Variants in DOK6 observed in about 807,000 individuals in gnomAD.
The protein encoded by DOK6 is downstream of tyrosine kinase 6.
Under a neutral mutation model 44.0 loss-of-function variants are expected in DOK6, and 22 were observed. The observed-to-expected ratio is 0.50, with a 90% CI of 0.36 to 0.71. DOK6 has a LOEUF of 0.71. Among genes scored for constraint, DOK6 ranks in the 30% least tolerant of loss-of-function variants. DOK6 has a pLI of 0.00. For missense variants in DOK6, 340 were observed against 416.4 expected (o/e 0.82, Z 1.60); for synonymous variants, 166 against 145.5 (o/e 1.14, Z -1.01).
intron 1 of DOK6, among the ~76,000 whole-genome samples, chr18:69,498,622 C>T (rs1333459226): frequency 2.0e-5 from 3 of 152,066 alleles, no homozygotes; most frequent in African/African-American, 7.2e-5. Context: ...GTATAAGTTA[C>T]CCCACAATTA....
At chr18:69,757,135 C>T (rs949602425) in intron 6 of DOK6, among the ~76,000 whole-genome samples, 2 of 152,150 alleles carry the variant, frequency 1.3e-5, no homozygotes, top group Non-Finnish European at 1.5e-5. Flanking sequence ...ACAAACATGC[C>T]ACAGTTTTAT....
At chr18:69,509,755 A>G (rs1311277700) in intron 1 of DOK6, among the ~76,000 whole-genome samples, 2 of 151,696 alleles carry the variant, frequency 1.3e-5, no homozygotes, top group African/African-American at 4.9e-5. Context: ...TTCACTTAAT[A>G]TTTAAGCTGC....
chr18:69,414,698 G>A (rs1042897469), intron 1 of DOK6, among the ~76,000 whole-genome samples: 1 of 152,014 alleles, frequency 6.6e-6, no homozygotes, highest in Non-Finnish European at 1.5e-5. Context: ...TATGAAATGA[G>A]ATGGTAATTT....
chr18:69,705,258 T>A (rs1236245573), intron 5 of DOK6: 2 of 152,244 alleles, frequency 1.3e-5, no homozygotes, highest in African/African-American at 4.8e-5. Context: ...AAATATTTTT[T>A]ATTTACAGCC....
chr18:69,486,670 A>G (rs944365835), intron 1 of DOK6, among the ~76,000 whole-genome samples: 1 of 152,168 alleles, frequency 6.6e-6, no homozygotes, highest in Admixed American at 6.5e-5. Flanking sequence ...TTACACAGAG[A>G]AGTCTGGAAA....
At chr18:69,738,815 G>C in intron 5 of DOK6, 150 bp from the exon 6 acceptor site, 1 of 809,820 alleles carries the variant, frequency 1.2e-6, no homozygotes, top group Non-Finnish European at 1.9e-6. Context: ...TGCACTTTTT[G>C]GTTGGTTTGG....
intron 7 of DOK6, among the ~76,000 whole-genome samples, chr18:69,769,695 C>G (rs66559245): frequency 0.094 from 14,337 of 152,070 alleles, 719 homozygotes; most frequent in Middle Eastern, 0.14. Context: ...AGAGGCATGT[C>G]TAATAAACTG....
At chr18:69,568,973 A>G (rs1012711133) in intron 2 of DOK6, among the ~76,000 whole-genome samples, 17 of 151,956 alleles carry the variant, frequency 1.1e-4, no homozygotes, top group Non-Finnish European at 1.9e-4. Flanking sequence ...ATTATGTACT[A>G]CAATGTAATA....
intron 2 of DOK6, among the ~76,000 whole-genome samples, chr18:69,586,514 G>A (rs1310239136): frequency 1.3e-5 from 2 of 152,200 alleles, no homozygotes; most frequent in African/African-American, 2.4e-5. Flanking sequence ...ACAAAGAACA[G>A]AGCAAGCCAT....
chr18:69,736,441 C>T (rs976502645), intron 5 of DOK6, among the ~76,000 whole-genome samples: 1 of 152,126 alleles, frequency 6.6e-6, no homozygotes, highest in Non-Finnish European at 1.5e-5. Flanking sequence ...TATTATCCAA[C>T]ATCCTATTTT....
chr18:69,519,280 G>A lies in DOK6; in HGVS notation c.67-45207G>A, dbSNP rs547450223. Among the ~76,000 whole-genome samples the A allele has an allele frequency of 5.3e-5, 8 of 151,866 alleles. 1 individual carries two copies. The South Asian group carries it at 1.7e-3, about 32-fold the overall frequency. ...GTATATTGATGCAGACTTTTGGAGG[G>A]TAATTTAGTAATTTATAGTGAAGAA... is the stretch of plus-strand genomic sequence containing the variant. On this transcript the variant is annotated intron_variant, in intron 1 of 7. Transcript: ENST00000382713.
At chr18:69,588,119 G>A (rs1375465975) in intron 2 of DOK6, among the ~76,000 whole-genome samples, 4 of 152,050 alleles carry the variant, frequency 2.6e-5, no homozygotes, top group African/African-American at 9.7e-5. Context: ...TAAGAAATTT[G>A]GCCCTTATTC....
chr18:69,425,154 G>A (rs1978602199), intron 1 of DOK6, among the ~76,000 whole-genome samples: 1 of 152,158 alleles, frequency 6.6e-6, no homozygotes, highest in Admixed American at 6.5e-5. Flanking sequence ...CAAAAATAGA[G>A]AAGAATTTTG....
At chr18:69,800,152 A>G (rs1351256287) in intron 7 of DOK6, among the ~76,000 whole-genome samples, 1 of 152,016 alleles carries the variant, frequency 6.6e-6, no homozygotes, top group African/African-American at 2.4e-5. Context: ...ATTGCATTGA[A>G]ACAGTAAATG....
Position 69,434,954 on chromosome 18 carries a change from GGGAA to G in DOK6, c.66+33669_66+33672del, listed in dbSNP as rs1167985373. Among the ~76,000 whole-genome samples, 196 of 62,966 alleles carry G rather than the reference GGGAA, an allele frequency of 3.1e-3. 3 individuals are homozygous for G. The highest frequency in any genetic ancestry group is 0.025 in the East Asian group (53 of 2,104). The allele number at this position is 62,966 out of a possible 152,430, so 41.3% of individuals were successfully genotyped here. A position where few individuals can be genotyped will look rare whatever the true frequency, so the allele number is the denominator to read the frequency against. On this transcript the variant is annotated intron_variant, in intron 1 of 7. Transcript: ENST00000382713. ...AGGGAGGGAGGGAGGGAGGGAGGGA[GGGAA>G]GGAAGGAAGGAAGGAAGGAAGGAAA... is the stretch of plus-strand genomic sequence containing the variant.
chr18:69,827,169 T>G lies in DOK6; in HGVS notation c.857-14075T>G, dbSNP rs1411080878. Among the ~76,000 whole-genome samples, 4 of 152,108 alleles carry G rather than the reference T, an allele frequency of 2.6e-5. No individual in the cohort carries two copies. In the East Asian group the frequency reaches 7.7e-4, roughly 29 times the overall value. ...GATCCAATCACTCACTTTCTTAAAA[T>G]CATTCAAAGCTTCCTATCACCTATT... is the stretch of plus-strand genomic sequence containing the variant. On this transcript the variant is annotated intron_variant, in intron 7 of 7. Transcript: ENST00000382713.
At chr18:69,409,242 G>C (rs1332339501) in intron 1 of DOK6, among the ~76,000 whole-genome samples, 2 of 152,194 alleles carry the variant, frequency 1.3e-5, no homozygotes, top group Non-Finnish European at 2.9e-5. Context: ...GCAGAACTGT[G>C]AGTCAATTAA....
At chr18:69,511,170 T>C (rs1438604719) in intron 1 of DOK6, among the ~76,000 whole-genome samples, 1 of 152,210 alleles carries the variant, frequency 6.6e-6, no homozygotes, top group Admixed American at 6.5e-5. Flanking sequence ...CAGCATTATC[T>C]GTTGACAGTT....
intron 7 of DOK6, among the ~76,000 whole-genome samples, chr18:69,829,312 G>A (rs1484254603): frequency 1.3e-5 from 2 of 151,138 alleles, no homozygotes; most frequent in Admixed American, 1.3e-4. Context: ...ACAAAGAGAA[G>A]TTTCTAAAAA....
Sources: allele counts gnomAD v4.1 joint callset (sites outside exome capture counted in the v4.1 genomes callset), GRCh38; gene constraint gnomAD v4.1.1; transcripts MANE v1.5; gene names NCBI Gene and HGNC (gene_info 2026-07-23, HGNC 2026-07-21).